Variants in ROBO1 observed in about 807,000 individuals in gnomAD.
ROBO1 encodes roundabout homolog 1.
ROBO1 carries 149 observed loss-of-function variants against 195.9 expected under a neutral mutation model. The observed-to-expected ratio is 0.76, with a 90% confidence interval of 0.67 to 0.87. ROBO1 has a LOEUF of 0.87. ROBO1 is among the 40% of genes least tolerant of loss of function. The pLI, the probability that ROBO1 is intolerant of heterozygous loss-of-function variation, is 0.00. For synonymous variants in ROBO1, 816 were observed against 733.2 expected, an observed-to-expected ratio of 1.11 and a Z score of -1.82; for missense variants, 1,933 against 2,068.3, an observed-to-expected ratio of 0.93 and a Z score of 1.27.
intron 5 of ROBO1, among the ~76,000 whole-genome samples, chr3:78,723,348 T>C (rs2082087174): frequency 6.6e-6 from 1 of 152,118 alleles, no homozygotes; most frequent in Non-Finnish European, 1.5e-5. Context: ...ACCATGTAGG[T>C]TTGTATAAGT....
chr3:79,340,749 AT>A (rs1646748729), intron 2 of ROBO1, among the ~76,000 whole-genome samples: 1 of 152,208 alleles, frequency 6.6e-6, no homozygotes, highest in African/African-American at 2.4e-5. Flanking sequence ...ACAAAACCAG[AT>A]ATAACCAATT....
chr3:79,428,521 A>G (rs1248695922), intron 2 of ROBO1, among the ~76,000 whole-genome samples: 1 of 152,118 alleles, frequency 6.6e-6, no homozygotes, highest in Non-Finnish European at 1.5e-5. Context: ...TCTCTGGTAT[A>G]TTTTTAGCGG....
intron 3 of ROBO1, among the ~76,000 whole-genome samples, chr3:79,102,756 C>A (rs910467474): frequency 6.6e-6 from 1 of 151,712 alleles, no homozygotes; most frequent in Non-Finnish European, 1.5e-5. Flanking sequence ...ATGTGTATGT[C>A]CAAAGAGAGA....
chr3:78,958,035 A>AGGTTCTT (rs2041135960), intron 3 of ROBO1, among the ~76,000 whole-genome samples: 1 of 152,198 alleles, frequency 6.6e-6, no homozygotes, highest in Admixed American at 6.6e-5. Flanking sequence ...ATGCAGCATA[A>AGGTTCTT]GGTTCTTGGT....
chr3:79,502,079 A>G (rs1305943905), intron 2 of ROBO1, among the ~76,000 whole-genome samples: 1 of 152,224 alleles, frequency 6.6e-6, no homozygotes, highest in Non-Finnish European at 1.5e-5. Context: ...ACAAAGTGAG[A>G]GGTGACAGCA....
chr3:79,111,212 C>A (rs1204822914), intron 3 of ROBO1, among the ~76,000 whole-genome samples: 1 of 152,126 alleles, frequency 6.6e-6, no homozygotes, highest in African/African-American at 2.4e-5. Context: ...TGTCTAATAG[C>A]CATAGGGCTA....
At chr3:79,667,448 T>C (rs1946507171) in intron 1 of ROBO1, among the ~76,000 whole-genome samples, 1 of 151,840 alleles carries the variant, frequency 6.6e-6, no homozygotes, top group African/African-American at 2.4e-5. Context: ...CTTTGTGATA[T>C]TGTGTAAAAA....
chr3:78,630,972 A>G (rs533754805), intron 25 of ROBO1, among the ~76,000 whole-genome samples, 189 bp downstream of exon 25: 2 of 152,286 alleles, frequency 1.3e-5, no homozygotes, highest in East Asian at 3.9e-4. Flanking sequence ...CTTTCAAAGC[A>G]CAGATTGCTT....
intron 6 of ROBO1, 124 bp from the exon 7 acceptor site, chr3:78,717,537 T>C: frequency 1.1e-6 from 1 of 937,942 alleles, no homozygotes; most frequent in South Asian, 1.6e-5. Flanking sequence ...TTCCACAGAG[T>C]CCCCTCATTC....
intron 5 of ROBO1, among the ~76,000 whole-genome samples, chr3:78,737,531 A>G (rs2082420205): frequency 6.6e-6 from 1 of 152,204 alleles, no homozygotes; most frequent in African/African-American, 2.4e-5. Context: ...AGGTATGATT[A>G]GACAATTCAT....
rs73848851 is a variant in ROBO1, at chr3:79,311,349, G to A, written c.89-185810C>T. The stretch of plus-strand genomic sequence containing the variant: ...TATATCATAATACTAAAAAGTACGC[G>A]ATACTTTGTATATGTAAAGAAAACA... On this transcript the variant is annotated intron_variant, in intron 2 of 30. Transcript: ENST00000464233. Among the ~76,000 whole-genome samples the A allele has an allele frequency of 5.9e-3, 891 of 152,108 alleles. 7 individuals are homozygous for A. Among genetic ancestry groups the A allele is most frequent in the African/African-American group, 0.02 (836 of 41,492 alleles).
intron 21 of ROBO1, among the ~76,000 whole-genome samples, chr3:78,643,434 G>T (rs575667055): frequency 1.5e-4 from 23 of 152,268 alleles, no homozygotes; most frequent in African/African-American, 5.5e-4. Context: ...AGTTAATGGA[G>T]GGCATAGTAG....
chr3:78,662,238 G>T, intron 14 of ROBO1, 124 bp from the exon 15 acceptor site: 45 of 639,932 alleles, frequency 7.0e-5, no homozygotes, highest in East Asian at 1.5e-4. Flanking sequence ...GCCAGGCTGT[G>T]ATTCGGAAAA....
intron 2 of ROBO1, among the ~76,000 whole-genome samples, chr3:79,245,738 T>C (rs2082613645): frequency 6.6e-6 from 1 of 151,874 alleles, no homozygotes; most frequent in Non-Finnish European, 1.5e-5. Context: ...ACTGGAGACC[T>C]TGGGGGAAAT....
chr3:78,658,307 T>C (rs937268943), intron 17 of ROBO1, among the ~76,000 whole-genome samples: 15 of 152,202 alleles, frequency 9.9e-5, no homozygotes, highest in African/African-American at 1.4e-4. Flanking sequence ...TTATTATCAT[T>C]AGAGATGGAG....
chr3:78,755,119 C>G (rs2082895305), intron 4 of ROBO1, among the ~76,000 whole-genome samples: 1 of 152,110 alleles, frequency 6.6e-6, no homozygotes, highest in Non-Finnish European at 1.5e-5. Context: ...TAATGAAATT[C>G]TCATACTTCA....
chr3:78,677,266 C>T (rs1194784116), intron 10 of ROBO1, among the ~76,000 whole-genome samples: 8 of 152,138 alleles, frequency 5.3e-5, no homozygotes, highest in Non-Finnish European at 8.8e-5. Flanking sequence ...CTGCATCAAC[C>T]AATGAGCAAA....
chr3:79,681,376 A>T (rs1470156495), intron 1 of ROBO1, among the ~76,000 whole-genome samples: 5 of 152,016 alleles, frequency 3.3e-5, no homozygotes, highest in Non-Finnish European at 5.9e-5. Context: ...CCCTAACTAG[A>T]AAATATAAAG....
intron 2 of ROBO1, among the ~76,000 whole-genome samples, chr3:79,491,476 A>G (rs542511985): frequency 6.6e-6 from 1 of 152,132 alleles, no homozygotes; most frequent in East Asian, 1.9e-4. Flanking sequence ...GTGAAATACG[A>G]CCCTGGCTCT....
Sources: allele counts gnomAD v4.1 joint callset (sites outside exome capture counted in the v4.1 genomes callset), GRCh38; gene constraint gnomAD v4.1.1; transcripts MANE v1.5; gene names NCBI Gene and HGNC (gene_info 2026-07-23, HGNC 2026-07-21).